Variants in ARK2N observed in about 807,000 individuals in gnomAD.
The protein encoded by ARK2N is protein ARK2N.
At chr18:46,252,621 T>A in the ARK2N span, among the ~76,000 whole-genome samples, 1 of 152,130 alleles carries the variant, frequency 6.6e-6, no homozygotes, top group African/African-American at 2.4e-5. Flanking sequence ...ATTTTTTTTT[T>A]AAATATGGGA....
chr18:46,223,684 G>T, the ARK2N span, among the ~76,000 whole-genome samples: 13 of 152,190 alleles, frequency 8.5e-5, no homozygotes, highest in African/African-American at 2.9e-4. Context: ...ATAAGGCTAA[G>T]ATTGGTTGAT....
chr18:46,192,794 T>C, the ARK2N span, among the ~76,000 whole-genome samples: 3 of 150,760 alleles, frequency 2.0e-5, no homozygotes, highest in Non-Finnish European at 4.4e-5. Context: ...GGTCTTGAAC[T>C]CCTGACCTCA....
the ARK2N span, among the ~76,000 whole-genome samples, chr18:46,181,746 GGTA>G: frequency 6.6e-6 from 1 of 152,052 alleles, no homozygotes; most frequent in Non-Finnish European, 1.5e-5. Flanking sequence ...ATTGTGCTTG[GGTA>G]GTCTAGAAAT....
chr18:46,217,227 T>C, the ARK2N span: 5 of 153,230 alleles, frequency 3.3e-5, 1 homozygote, highest in Admixed American at 3.2e-4. Context: ...CCGCTTGTTC[T>C]AGCTCTCATT....
the ARK2N span, among the ~76,000 whole-genome samples, chr18:46,239,644 G>A: frequency 1.3e-5 from 2 of 151,872 alleles, no homozygotes; most frequent in South Asian, 4.2e-4. Flanking sequence ...TTAATAATTT[G>A]CATCAGTTTT....
At chr18:46,216,141 T>C in the ARK2N span, 5 of 1,613,814 alleles carry the variant, frequency 3.1e-6, no homozygotes, top group Non-Finnish European at 4.2e-6. The surrounding 1 kb of genome is among the most constrained non-coding windows in gnomAD (Gnocchi z 4.3). Context: ...TTTATGAGAG[T>C]GACTCCTCTA....
At chr18:46,234,613 CTT>C in the ARK2N span, among the ~76,000 whole-genome samples, 3 of 150,712 alleles carry the variant, frequency 2.0e-5, no homozygotes, top group Non-Finnish European at 4.4e-5. Context: ...TTCTGTAGCT[CTT>C]GAGGTTTGCC....
chr18:46,199,081 A>T, the ARK2N span, among the ~76,000 whole-genome samples: 1 of 152,202 alleles, frequency 6.6e-6, no homozygotes, highest in East Asian at 1.9e-4. Context: ...GAGCACGCAA[A>T]GATTATGGAT....
the ARK2N span, among the ~76,000 whole-genome samples, chr18:46,261,835 CAGG>C: frequency 6.6e-6 from 1 of 152,154 alleles, no homozygotes; most frequent in Non-Finnish European, 1.5e-5. Flanking sequence ...GGCATGTTTG[CAGG>C]AGTTTAAGGG....
chr18:46,178,365 T>C, the ARK2N span, among the ~76,000 whole-genome samples: 1 of 152,172 alleles, frequency 6.6e-6, no homozygotes, highest in African/African-American at 2.4e-5. Context: ...CAGGCTGGAG[T>C]GCAATGGCAC....
the ARK2N span, among the ~76,000 whole-genome samples, chr18:46,204,841 T>C: frequency 1.1e-4 from 16 of 152,052 alleles, no homozygotes; most frequent in Non-Finnish European, 2.1e-4. Context: ...TAACAGCAGA[T>C]GACTTTTGCA....
chr18:46,249,614 T>G, the ARK2N span, among the ~76,000 whole-genome samples: 1 of 152,306 alleles, frequency 6.6e-6, no homozygotes, highest in East Asian at 1.9e-4. Flanking sequence ...GCCACATTCT[T>G]CAAAATCCAG....
At chr18:46,245,736 C>T in the ARK2N span, among the ~76,000 whole-genome samples, 1 of 151,992 alleles carries the variant, frequency 6.6e-6, no homozygotes, top group Non-Finnish European at 1.5e-5. Flanking sequence ...AAAGCTCAGG[C>T]CTAGTTCTTA....
chr18:46,227,426 T>A, the ARK2N span, among the ~76,000 whole-genome samples: 1 of 152,174 alleles, frequency 6.6e-6, no homozygotes, highest in African/African-American at 2.4e-5. Flanking sequence ...GGTTTTGAAT[T>A]GAAAAATTAC....
chr18:46,239,361 T>C, the ARK2N span, among the ~76,000 whole-genome samples: 1,544 of 152,252 alleles, frequency 0.01, 35 homozygotes, highest in African/African-American at 0.036. Context: ...AATAGAAATA[T>C]CCCTCATAAG....
At chr18:46,255,473 G>GGT in the ARK2N span, among the ~76,000 whole-genome samples, 1 of 124,434 alleles carries the variant, frequency 8.0e-6, no homozygotes, top group South Asian at 2.6e-4. Flanking sequence ...TTTTTTGAGG[G>GGT]GGAGTTTCAC....
chr18:46,208,747 G>A, the ARK2N span, among the ~76,000 whole-genome samples: 31 of 152,024 alleles, frequency 2.0e-4, no homozygotes, highest in Admixed American at 2.6e-4. Flanking sequence ...GATTACAGGC[G>A]TGAGCCACCA....
chr18:46,257,846 G>A, the ARK2N span, among the ~76,000 whole-genome samples: 7 of 151,996 alleles, frequency 4.6e-5, no homozygotes, highest in African/African-American at 9.7e-5. Context: ...GATCATTGGC[G>A]TTAATGTTGG....
the ARK2N span, among the ~76,000 whole-genome samples, chr18:46,230,092 T>C: frequency 6.6e-6 from 1 of 151,972 alleles, no homozygotes; most frequent in Non-Finnish European, 1.5e-5. Flanking sequence ...GCCCGGCTAA[T>C]TTTTGTATTT....
Sources: gnomAD v4.1 joint callset for allele counts (sites outside exome capture counted in the v4.1 genomes callset) on GRCh38, gnomAD v4.1.1 for gene constraint, Gnocchi (gnomAD v3.1) non-coding constraint, MANE v1.5 for transcripts, NCBI Gene and HGNC (gene_info 2026-07-23, HGNC 2026-07-21) for gene names.